The following PILRB variants were observed in gnomAD, a reference collection of about 807,000 sequenced individuals.
PILRB encodes paired immunoglobulin-like type 2 receptor beta.
PILRB carries 21 observed loss-of-function variants against 20.5 expected under a neutral mutation model. The observed-to-expected ratio is 1.02, with a 90% CI of 0.72 to 1.47. PILRB has a LOEUF of 1.47. Ranked by LOEUF, PILRB falls within the 40% of genes most tolerant of loss-of-function variation. The pLI is 0.00. For synonymous variants in PILRB, 133 were observed against 115.1 expected, an observed-to-expected ratio of 1.16 and a Z score of -0.99; for missense variants, 253 against 272.1, an observed-to-expected ratio of 0.93 and a Z score of 0.49.
chr7:100,359,178 G>T (rs536480261), intron 2 of PILRB, 99 bp downstream of exon 2: 1 of 1,551,478 alleles, frequency 6.4e-7, no homozygotes, highest in East Asian at 2.3e-5. Flanking sequence ...TGGATTGAGA[G>T]CTGTTAGCAT....
chr7:100,365,710 C>T (rs887358239), intron 3 of PILRB, among the ~76,000 whole-genome samples: 2 of 151,868 alleles, frequency 1.3e-5, no homozygotes, highest in African/African-American at 4.8e-5. Flanking sequence ...CCCATCTGCT[C>T]GGGAACCTAA....
In PILRB at chr7:100,359,478, T is replaced by C. The variant is rs1790466604; in HGVS notation, c.596T>C (p.Leu199Pro). ...AGGGTTGCATTGGCTGTCGCTGTGCTCAAAACTGTCATTTTGGGACTGCTG... is the reference window on the plus strand; with the variant it reads ...AGGGTTGCATTGGCTGTCGCTGTGCCCAAAACTGTCATTTTGGGACTGCTG... ...AIRVALAVAV[L>P]KTVILGLLCL... Residue 199 changes from leucine to proline, a missense_variant, in exon 3 of 4, where the codon CTC becomes CCC. Transcript: ENST00000609309. 2.5e-6 allele frequency: 4 copies of C among 1,613,750 alleles called. No individual in the cohort carries two copies. Among genetic ancestry groups the C allele is most frequent in the Non-Finnish European group, 3.4e-6 (4 of 1,179,904 alleles).
At position 100,359,066 on chromosome 7, in the gene PILRB, C is replaced by A. The variant is rs1429197400; in HGVS notation, c.441C>A (p.Leu147=). The A allele has an allele frequency of 6.2e-7, 1 of 1,614,122 alleles. No homozygotes were observed. Among genetic ancestry groups the A allele is most frequent in the Non-Finnish European group, 8.5e-7 (1 of 1,180,014 alleles). Residue 147 remains leucine (L), a synonymous_variant, in exon 2 of 4, where the codon CTC becomes CTA. Coordinates refer to ENST00000609309, the MANE Select transcript of PILRB (RefSeq NM_178238.4). The stretch of plus-strand genomic sequence containing the variant: ...TGCAGTCCATCAAGGGGACCAAACT[C>A]ACCATCACCCAGGGTGAGTCCAGCT... ...QQLQSIKGTK[L]TITQAVTTTT...
At chr7:100,360,530 G>T (rs1162686341) in intron 3 of PILRB, among the ~76,000 whole-genome samples, 1 of 152,180 alleles carries the variant, frequency 6.6e-6, no homozygotes, top group Admixed American at 6.5e-5. Flanking sequence ...AGGAAGCTTG[G>T]TGCTGGTGAA....
chr7:100,362,709 A>G lies in PILRB; in HGVS notation c.655+3172A>G, dbSNP rs571890580. Among the ~76,000 whole-genome samples the G allele has an allele frequency of 3.9e-5, 6 of 152,130 alleles. No individual in the cohort carries two copies. The South Asian group carries it at 1.2e-3, about 32-fold the overall frequency. On this transcript the variant is annotated intron_variant, in intron 3 of 3. Transcript: ENST00000609309. ...TTTTTGGAAGAAACGTGGTTTTACT[A>G]TATTGGCCAGGCTGGTCTCGAACTC... is the stretch of plus-strand genomic sequence containing the variant.
Position 100,359,354 on chromosome 7 carries a change from ACCTG to A in PILRB, c.473_476del (p.Thr158ArgfsTer9). 1 of 1,614,032 alleles carries A rather than the reference ACCTG, an allele frequency of 6.2e-7. No homozygotes were observed. The highest frequency in any genetic ancestry group is 8.5e-7 in the Non-Finnish European group (1 of 1,179,996). ...TCTTCCAGCTGTCACAACCACCACC[ACCTG>A]GAGGCCCAGCAGCACAACCACCATA... On this transcript the variant is annotated frameshift_variant, in exon 3 of 4. Coordinates refer to ENST00000609309, the MANE Select transcript of PILRB (RefSeq NM_178238.4). LOFTEE classifies it high-confidence loss of function.
chr7:100,358,505 C>A (rs1181528984), intron 1 of PILRB, 139 bp downstream of exon 1: 1 of 1,260,132 alleles, frequency 7.9e-7, no homozygotes, highest in Non-Finnish European at 1.1e-6. Flanking sequence ...GGGGTGGGTG[C>A]CGCCATCTCT....
chr7:100,365,949 G>GT (rs769960565), intron 3 of PILRB, among the ~76,000 whole-genome samples: 2,917 of 127,754 alleles, frequency 0.023, 61 homozygotes, highest in Non-Finnish European at 0.028. Context: ...ATTCTAGGTG[G>GT]TTTTTTTTTT....
chr7:100,361,806 A>G (rs1790535186), intron 3 of PILRB, among the ~76,000 whole-genome samples: 1 of 152,216 alleles, frequency 6.6e-6, no homozygotes, highest in Non-Finnish European at 1.5e-5. Context: ...CTGCCCTCAC[A>G]ACCTTGCCAG....
intron 3 of PILRB, among the ~76,000 whole-genome samples, chr7:100,359,801 G>C (rs1790475571): frequency 6.6e-6 from 1 of 152,118 alleles, no homozygotes; most frequent in Non-Finnish European, 1.5e-5. Flanking sequence ...AAGGCAGGTG[G>C]ATCACAAGGC....
rs1300658183 is a variant in PILRB at position 100,367,640 on chromosome 7, C to A, written c.*263C>A. On this transcript the variant is annotated 3_prime_UTR_variant, in exon 4 of 4. Transcript: ENST00000609309. ...GAGGTCTGAACTCCACTGAATTAAA[C>A]CACTGGCATTTGGGGGCTGTTTATT... 1.6e-5 allele frequency: 8 copies of A among 500,318 alleles called. No individual in the cohort carries two copies. Among genetic ancestry groups the A allele is most frequent in the East Asian group, 3.1e-5 (1 of 31,822 alleles). 31.0% of individuals were successfully genotyped at this position (500,318 alleles called of 1,614,324 possible). A position where few individuals can be genotyped will look rare whatever the true frequency, so the allele number is the denominator to read the frequency against.
rs115216794 is a variant in PILRB, at chr7:100,366,773, G to A, written c.656-576G>A. 4.1e-3 allele frequency among the ~76,000 whole-genome samples: 625 copies of A among 152,220 alleles called. 5 individuals are homozygous for A. Among genetic ancestry groups the A allele is most frequent in the African/African-American group, 0.014 (579 of 41,528 alleles). On this transcript the variant is annotated intron_variant, in intron 3 of 3. Coordinates refer to ENST00000609309, the MANE Select transcript of PILRB (RefSeq NM_178238.4). ...GGGAAGGGGAGGGAAGGAAGAGATG[G>A]GTGGGCGAGGGCTCAGCGATAGAGG...
chr7:100,360,199 G>A (rs1272939447), intron 3 of PILRB, among the ~76,000 whole-genome samples: 2 of 152,224 alleles, frequency 1.3e-5, no homozygotes, highest in African/African-American at 4.8e-5. Flanking sequence ...GCTGAGCTCA[G>A]CAGGCACTGG....
chr7:100,364,745 G>A (rs1790627319), intron 3 of PILRB, among the ~76,000 whole-genome samples: 1 of 152,176 alleles, frequency 6.6e-6, no homozygotes, highest in Non-Finnish European at 1.5e-5. Flanking sequence ...AGAGGTGTTT[G>A]CACACCGATG....
At chr7:100,359,599 C>T (rs1344166126) in intron 3 of PILRB, 62 bp downstream of exon 3, 8 of 1,419,292 alleles carry the variant, frequency 5.6e-6, no homozygotes, top group Non-Finnish European at 7.9e-6. Context: ...CTGAGCCCAC[C>T]TGCAGCTAAG....
intron 3 of PILRB, among the ~76,000 whole-genome samples, chr7:100,362,957 A>G (rs759937469): frequency 6.6e-6 from 1 of 152,094 alleles, no homozygotes; most frequent in Non-Finnish European, 1.5e-5. Context: ...AAGATCAGGA[A>G]TAAGAGAAGG....
At chr7:100,359,844 G>GA (rs1407754882) in intron 3 of PILRB, among the ~76,000 whole-genome samples, 2 of 152,148 alleles carry the variant, frequency 1.3e-5, no homozygotes, top group Non-Finnish European at 2.9e-5. Context: ...CCAACATGGT[G>GA]ACACCCCATG....
chr7:100,363,971 G>A (rs1339389022), intron 3 of PILRB, among the ~76,000 whole-genome samples: 1 of 152,100 alleles, frequency 6.6e-6, no homozygotes, highest in Non-Finnish European at 1.5e-5. Context: ...AGCCAGGCGT[G>A]GTGGCGCATG....
intron 3 of PILRB, among the ~76,000 whole-genome samples, chr7:100,362,894 A>T (rs893884334): frequency 1.3e-5 from 2 of 152,134 alleles, no homozygotes; most frequent in Admixed American, 6.6e-5. Context: ...TGCAAGGCCC[A>T]TGGCTGAAAG....
Sources: gnomAD v4.1 joint callset for allele counts (sites outside exome capture counted in the v4.1 genomes callset) on GRCh38, gnomAD v4.1.1 for gene constraint, MANE v1.5 for transcripts, NCBI Gene and HGNC (gene_info 2026-07-23, HGNC 2026-07-21) for gene names.